CYBB: variants seen among roughly 807,000 people sequenced by gnomAD.
The protein encoded by CYBB is cytochrome b-245 beta chain, also known as NADPH oxidase 2.
Under a neutral mutation model 46.5 loss-of-function variants are expected in CYBB, and 5 were observed. The ratio of observed to expected loss-of-function variants is 0.11; its 90% CI spans 0.06 to 0.23. CYBB has a LOEUF of 0.23. CYBB is among the 10% of genes least tolerant of loss of function. The pLI is 1.00. For missense variants in CYBB, 307 were observed against 428.3 expected (o/e 0.72, Z 2.50); for synonymous variants, 183 against 156.7 (o/e 1.17, Z -1.26).
chrX:37,789,460 A>G (rs782057513), intron 3 of CYBB, among the ~76,000 whole-genome samples: 1 of 99,380 alleles, frequency 1.0e-5, no homozygotes, highest in Non-Finnish European at 2.1e-5. Flanking sequence ...TTAAGAAGCC[A>G]AAGAAAGAAA....
chrX:37,792,150 A>T, intron 4 of CYBB, 91 bp downstream of exon 4: 1 of 591,236 alleles, frequency 1.7e-6, no homozygotes, highest in South Asian at 2.4e-5. Flanking sequence ...TTATAGTTAG[A>T]TTAAGTGGTG....
chrX:37,808,316 C>G (rs1929605262), intron 11 of CYBB, among the ~76,000 whole-genome samples: 1 of 112,265 alleles, frequency 8.9e-6, no homozygotes, highest in South Asian at 3.7e-4. Context: ...TCGTCAAATA[C>G]TGTGTGATGA....
intron 6 of CYBB, 88 bp downstream of exon 6, chrX:37,796,229 C>T (rs1929305803): frequency 8.6e-6 from 7 of 813,119 alleles, no homozygotes; most frequent in African/African-American, 2.0e-5. Flanking sequence ...ACCTCCTTGC[C>T]TGTGTGTGGT....
At chrX:37,798,837 G>T in intron 6 of CYBB, 118 bp from the exon 7 acceptor site, 1 of 734,215 alleles carries the variant, frequency 1.4e-6, no homozygotes, top group Non-Finnish European at 2.1e-6. Context: ...ATAAGCTATC[G>T]CTTTTAAGTG....
Position 37,809,695 on chromosome X carries a change from A to G in CYBB, c.1586+4A>G, listed in dbSNP as rs1251650792. ...CAATTGCAAGTCAACACCCTAAGTA[A>G]GGAGTCTGTCACCAAGATGTTTTTG... On this transcript the variant is annotated splice_donor_region_variant and intron_variant, in intron 12 of 12. Transcript: ENST00000378588. 1 of 1,207,442 alleles carries G rather than the reference A, an allele frequency of 8.3e-7. No homozygotes were observed. The highest frequency in any genetic ancestry group is 1.8e-5 in the African/African-American group (1 of 57,136).
chrX:37,781,241 A>G (rs1556464450), intron 1 of CYBB, among the ~76,000 whole-genome samples: 1 of 112,632 alleles, frequency 8.9e-6, no homozygotes, highest in Non-Finnish European at 1.9e-5. Flanking sequence ...AATTTTTCCC[A>G]GGAAATGACC....
At chrX:37,782,941 AAATAT>A in intron 2 of CYBB, among the ~76,000 whole-genome samples, 1 of 111,916 alleles carries the variant, frequency 8.9e-6, no homozygotes, top group African/African-American at 3.2e-5. Context: ...TAGACATTAC[AAATAT>A]AATAATTATA....
chrX:37,811,084 A>G lies in CYBB; in HGVS notation c.*167A>G. ...AGATTGTTTGATAGTGATAAGTTAC[A>G]TTTATGTGGAGCTCTATGGTTTTGA... On this transcript the variant is annotated 3_prime_UTR_variant, in exon 13 of 13. Transcript: ENST00000378588. 4 of 466,946 alleles carry G rather than the reference A, an allele frequency of 8.6e-6. No homozygotes were observed. The South Asian group carries it at 1.2e-4, about 15-fold the overall frequency. 38.5% of individuals were successfully genotyped at this position (466,946 alleles called of 1,213,427 possible). A position where few individuals can be genotyped will look rare whatever the true frequency, so the allele number is the denominator to read the frequency against.
At chrX:37,795,868 C>T (rs1929289533) in intron 5 of CYBB, 83 bp from the exon 6 acceptor site, 2 of 733,879 alleles carry the variant, frequency 2.7e-6, no homozygotes, top group Admixed American at 2.4e-5. Flanking sequence ...ATTTGAGAAC[C>T]TATAATATTG....
At chrX:37,790,935 C>T (rs1297053597) in intron 3 of CYBB, among the ~76,000 whole-genome samples, 1 of 111,611 alleles carries the variant, frequency 9.0e-6, no homozygotes, top group Non-Finnish European at 1.9e-5. Context: ...TCAGGAGAGC[C>T]AAGCTCTAAT....
intron 6 of CYBB, among the ~76,000 whole-genome samples, chrX:37,796,713 G>A (rs1891611482): frequency 8.9e-6 from 1 of 111,737 alleles, no homozygotes; most frequent in Admixed American, 9.5e-5. Flanking sequence ...TGTGCTAAGG[G>A]TTTGACATGA....
In CYBB at chrX:37,782,100, G is replaced by A. The variant is rs151344455; in HGVS notation, c.58G>A (p.Gly20Arg). The change falls in exon 2 of 13, where the codon GGG becomes AGG. Residue 20 changes from glycine (G) to arginine (R), a missense_variant. Coordinates refer to ENST00000378588, the MANE Select transcript of CYBB (RefSeq NM_000397.4). The stretch of plus-strand genomic sequence containing the variant: ...TCTGTTTGTGCAGCTGGTTTGGCTG[G>A]GGTTGAACGTCTTCCTCTTTGTCTG... ...LSIFVILVWL[G>R]LNVFLFVWYY... The A allele has an allele frequency of 8.3e-7, 1 of 1,208,928 alleles. No homozygotes were observed. The highest frequency in any genetic ancestry group is 1.1e-6 in the Non-Finnish European group (1 of 893,065).
chrX:37,801,476 C>T (rs1929437203), intron 8 of CYBB, 128 bp downstream of exon 8: 2 of 546,279 alleles, frequency 3.7e-6, no homozygotes, highest in Admixed American at 4.9e-5. Flanking sequence ...TTTCAATTTA[C>T]TTAGCTCAAT....
rs781984829 is a variant in CYBB, at chrX:37,796,103, T to C, written c.636T>C (p.Phe212=). The stretch of plus-strand genomic sequence containing the variant: ...TCTTTTGGTACACACATCATCTCTT[T>C]GTGATCTTCTTCATTGGCCTTGCCA... The part of the protein sequence containing the change: ...FEVFWYTHHL[F]VIFFIGLAIH... The change falls in exon 6 of 13, where the codon TTT becomes TTC. Residue 212 remains phenylalanine, a synonymous_variant. Coordinates refer to ENST00000378588, the MANE Select transcript of CYBB (RefSeq NM_000397.4). 3.3e-6 allele frequency: 4 copies of C among 1,208,922 alleles called. No individual in the cohort carries two copies. The African/African-American group carries it at 7.0e-5, about 21-fold the overall frequency.
At chrX:37,806,872 CTCTCTG>C (rs1435396637) in intron 11 of CYBB, among the ~76,000 whole-genome samples, 2 of 104,690 alleles carry the variant, frequency 1.9e-5, no homozygotes, top group African/African-American at 7.9e-5. Flanking sequence ...CTCTCTCTGT[CTCTCTG>C]TCTCTCTCTC....
In CYBB at chrX:37,786,236, C is replaced by T. The variant is rs781807141; in HGVS notation, c.252+2636C>T. 3.4e-4 allele frequency among the ~76,000 whole-genome samples: 38 copies of T among 111,420 alleles called. 1 individual carries two copies. Among genetic ancestry groups the T allele is most frequent in the Admixed American group, 5.7e-4 (6 of 10,530 alleles). On this transcript the variant is annotated intron_variant, in intron 3 of 12. Coordinates refer to ENST00000378588, the MANE Select transcript of CYBB (RefSeq NM_000397.4). ...CTCATTGAAGCTTAATGGAATTCACCGCATGAAATCTGCACATCAAACCAG... is the reference window on the plus strand; with the variant it reads ...CTCATTGAAGCTTAATGGAATTCACTGCATGAAATCTGCACATCAAACCAG...
Position 37,791,997 on chromosome X carries a change from G to C in CYBB, c.275G>C (p.Arg92Thr), listed in dbSNP as rs782726671. The change falls in exon 4 of 13, where the codon AGA becomes ACA. Residue 92 changes from arginine (R) to threonine (T), a missense_variant. By Grantham distance (71) the Arg-to-Thr change is moderately conservative. This residue lies in a region of CYBB where 103 missense variants were observed against 150.2 expected (regional missense o/e 0.69). Coordinates refer to ENST00000378588, the MANE Select transcript of CYBB (RefSeq NM_000397.4). ...SSACCSTRVR[R>T]QLDRNLTFHK... ...AAGTGCTGCTCAACAAGAGTTCGAA[G>C]ACAACTGGACAGGAATCTCACCTTT... The C allele has an allele frequency of 5.8e-6, 7 of 1,206,815 alleles. No homozygotes were observed. Among genetic ancestry groups the C allele is most frequent in the Non-Finnish European group, 7.9e-6 (7 of 891,245 alleles).
intron 3 of CYBB, among the ~76,000 whole-genome samples, chrX:37,787,726 G>A (rs1261598599): frequency 8.9e-6 from 1 of 111,912 alleles, no homozygotes; most frequent in Non-Finnish European, 1.9e-5. Context: ...AAAATTATGG[G>A]CAGTCACAGA....
chrX:37,783,721 G>A (rs1929003089), intron 3 of CYBB, 121 bp downstream of exon 3: 2 of 528,654 alleles, frequency 3.8e-6, no homozygotes, highest in Middle Eastern at 3.5e-4. Flanking sequence ...GAATACTCAT[G>A]AGCCAAGCCA....
Sources: gnomAD v4.1 joint callset for allele counts (sites outside exome capture counted in the v4.1 genomes callset) on GRCh38, gnomAD v4.1.1 for gene constraint, gnomAD v4.1.1 regional missense constraint, MANE v1.5 for transcripts, NCBI Gene and HGNC (gene_info 2026-07-23, HGNC 2026-07-21) for gene names.